Variants in PDE4D observed in about 807,000 individuals in gnomAD.
PDE4D encodes the protein 3',5'-cyclic-AMP phosphodiesterase 4D.
Under a neutral mutation model 87.4 loss-of-function variants are expected in PDE4D, and 24 were observed. The ratio of observed to expected loss-of-function variants is 0.27; its 90% CI spans 0.20 to 0.39. The LOEUF is 0.39. Ranked by LOEUF, PDE4D falls within the 10% of genes least tolerant of loss-of-function variation. PDE4D has a pLI of 1.00. For missense variants in PDE4D, 714 were observed against 1,041.0 expected (o/e 0.69, Z 4.32); for synonymous variants, 384 against 383.2 (o/e 1.00, Z -0.02).
At chr5:59,251,612 G>C (rs1387204203) in intron 1 of PDE4D, among the ~76,000 whole-genome samples, 1 of 152,154 alleles carries the variant, frequency 6.6e-6, no homozygotes, top group Non-Finnish European at 1.5e-5. Context: ...GTGGAAAGCA[G>C]TGTGGCAATT....
intron 5 of PDE4D, among the ~76,000 whole-genome samples, chr5:59,052,170 G>A (rs976502786): frequency 4.6e-5 from 7 of 152,188 alleles, no homozygotes; most frequent in Admixed American, 1.3e-4. Flanking sequence ...GCCTGGGAGT[G>A]CTACTGTAGT....
rs527818077 is a variant in PDE4D, at chr5:59,672,759, G to A, written c.455+220409C>T. Among the ~76,000 whole-genome samples the A allele has an allele frequency of 2.0e-5, 3 of 152,080 alleles. No individual in the cohort carries two copies. The East Asian group carries it at 5.8e-4, about 29-fold the overall frequency. On this transcript the variant is annotated intron_variant, in intron 1 of 14. Coordinates refer to ENST00000340635, the MANE Select transcript of PDE4D (RefSeq NM_001104631.2). ...AAATGATGCATATGATCTTAAAATTGCATCCAGGTTTAAAGTTCTATAAAA... is the reference window on the plus strand; with the variant it reads ...AAATGATGCATATGATCTTAAAATTACATCCAGGTTTAAAGTTCTATAAAA...
chr5:60,394,037 T>C (rs991184517), intron 1 of PDE4D, among the ~76,000 whole-genome samples: 6 of 152,230 alleles, frequency 3.9e-5, no homozygotes, highest in Admixed American at 2.0e-4. Flanking sequence ...AAGTGCTCAA[T>C]AAAGCTCTAA....
At chr5:60,044,196 A>G (rs1159816626) in intron 2 of PDE4D, among the ~76,000 whole-genome samples, 1 of 152,070 alleles carries the variant, frequency 6.6e-6, no homozygotes, top group Non-Finnish European at 1.5e-5. Flanking sequence ...GCCTGAGGTG[A>G]TGGACACCCC....
At chr5:60,473,721 A>G (rs1369327592) in intron 1 of PDE4D, among the ~76,000 whole-genome samples, 1 of 151,916 alleles carries the variant, frequency 6.6e-6, no homozygotes, top group Non-Finnish European at 1.5e-5. Context: ...CAACCCAAAA[A>G]GTCCAAAGAG....
chr5:59,229,382 T>C (rs533872550), intron 1 of PDE4D, among the ~76,000 whole-genome samples: 2 of 152,298 alleles, frequency 1.3e-5, no homozygotes, highest in East Asian at 3.9e-4. Context: ...TTTAAAGAAA[T>C]AGGTTAATGA....
chr5:60,048,712 G>T lies in PDE4D; in HGVS notation c.43-59995C>A, dbSNP rs543295280. Among the ~76,000 whole-genome samples the T allele has an allele frequency of 3.4e-4, 45 of 133,280 alleles. 1 individual carries two copies. In the South Asian group the frequency reaches 0.011, roughly 33 times the overall value. 87.4% of individuals were successfully genotyped at this position (133,280 alleles called of 152,430 possible). On this transcript the variant is annotated intron_variant, in intron 2 of 16. Transcript: ENST00000502484. ...ATTGGCCCCCACTCTCTTCTGGCTT[G>T]TAGAGTTTCTGCTGAGAGATCCGCT...
chr5:60,296,946 T>TG (rs987865060), intron 1 of PDE4D, among the ~76,000 whole-genome samples: 2 of 150,524 alleles, frequency 1.3e-5, no homozygotes, highest in African/African-American at 4.9e-5. Flanking sequence ...TGTCGGGAGG[T>TG]GGGGGGCAAG....
intron 1 of PDE4D, among the ~76,000 whole-genome samples, chr5:59,507,078 T>C (rs574764769): frequency 1.7e-3 from 255 of 152,308 alleles, no homozygotes; most frequent in African/African-American, 5.5e-3. Context: ...ACACCTGTAA[T>C]CCCAGCACTT....
chr5:59,192,076 T>A (rs1420031499), intron 3 of PDE4D, among the ~76,000 whole-genome samples: 1 of 152,168 alleles, frequency 6.6e-6, no homozygotes, highest in Non-Finnish European at 1.5e-5. Context: ...TTTAATTGCC[T>A]GCATTAATTT....
chr5:59,360,223 C>T (rs1290867182), intron 1 of PDE4D, among the ~76,000 whole-genome samples: 2 of 152,120 alleles, frequency 1.3e-5, no homozygotes, highest in Non-Finnish European at 2.9e-5. Context: ...ATTACTTGCG[C>T]ATCAAGTCTC....
chr5:60,049,202 G>T (rs1769750480), intron 2 of PDE4D, among the ~76,000 whole-genome samples: 1 of 152,056 alleles, frequency 6.6e-6, no homozygotes, highest in South Asian at 2.1e-4. Context: ...CTCGAGCCTT[G>T]GTTTTCAGCT....
rs115109740 is a variant in PDE4D at position 58,980,796 on chromosome 5, A to G, written c.1553-3451T>C. Among the ~76,000 whole-genome samples the G allele has an allele frequency of 5.4e-3, 818 of 152,212 alleles. 9 individuals carry two copies. The highest frequency in any genetic ancestry group is 0.019 in the African/African-American group (804 of 41,544). On this transcript the variant is annotated intron_variant, in intron 11 of 14. Coordinates refer to ENST00000340635, the MANE Select transcript of PDE4D (RefSeq NM_001104631.2). ...GGTTCTCCAGAGAAATAGAATAGAC[A>G]TATGTATGAGTGTGTGTGTGTATGT...
intron 6 of PDE4D, among the ~76,000 whole-genome samples, chr5:59,038,257 C>G (rs972298609): frequency 2.0e-5 from 3 of 152,164 alleles, no homozygotes; most frequent in Non-Finnish European, 4.4e-5. Flanking sequence ...TAGTTGAAGC[C>G]TCCTTGTACT....
In PDE4D at chr5:59,103,052, T is replaced by A. The variant is rs907617122; in HGVS notation, c.809-64081A>T. Among the ~76,000 whole-genome samples the A allele has an allele frequency of 3.3e-5, 5 of 152,306 alleles. No homozygotes were observed. The East Asian group carries it at 9.7e-4, about 29-fold the overall frequency. On this transcript the variant is annotated intron_variant, in intron 5 of 14. Coordinates refer to ENST00000340635, the MANE Select transcript of PDE4D (RefSeq NM_001104631.2). ...AAGTTTGTTTCTCAAGGGGCTGAAC[T>A]ACAAGGACAGAATGAACTGATCTGG...
rs371301170 is a variant in PDE4D, at chr5:59,784,617, T to G, written c.455+108551A>C. On this transcript the variant is annotated intron_variant, in intron 1 of 14. Coordinates refer to ENST00000340635, the MANE Select transcript of PDE4D (RefSeq NM_001104631.2). ...AGGCAGTATTTTGGAGAGCCTCTTT[T>G]GAGGGAACAAATGTACAATCAGTCA... Among the ~76,000 whole-genome samples the G allele has an allele frequency of 8.5e-5, 13 of 152,306 alleles. No individual in the cohort carries two copies. In the East Asian group the frequency reaches 2.3e-3, roughly 27 times the overall value.
At chr5:59,987,727 C>T (rs945639094) in intron 3 of PDE4D, 10 of 152,176 alleles carry the variant, frequency 6.6e-5, no homozygotes, top group African/African-American at 2.4e-5. Context: ...TCTATCCAGG[C>T]TTCTTAAAAA....
chr5:59,344,361 G>C (rs1268107607), intron 1 of PDE4D, among the ~76,000 whole-genome samples: 2 of 152,138 alleles, frequency 1.3e-5, no homozygotes, highest in Non-Finnish European at 2.9e-5. Flanking sequence ...TTTAGCACAA[G>C]CTTCATGATA....
At chr5:58,999,898 G>A (rs1288307099) in intron 6 of PDE4D, 1 of 986,114 alleles carries the variant, frequency 1.0e-6, no homozygotes, top group East Asian at 1.1e-4. Context: ...TTGCAAGAAA[G>A]GCTAGTCCTG....
Sources: gnomAD v4.1 joint callset for allele counts (sites outside exome capture counted in the v4.1 genomes callset) on GRCh38, gnomAD v4.1.1 for gene constraint, MANE v1.5 for transcripts, NCBI Gene and HGNC (gene_info 2026-07-23, HGNC 2026-07-21) for gene names.